SLC9A3: variants seen among roughly 807,000 people sequenced by gnomAD.
SLC9A3 encodes solute carrier family 9 member A3.
SLC9A3 carries 37 observed loss-of-function variants against 86.8 expected under a neutral mutation model. The ratio of observed to expected loss-of-function variants is 0.43; its 90% confidence interval spans 0.33 to 0.56. SLC9A3 has a LOEUF of 0.56. Among genes scored for constraint, SLC9A3 ranks in the 20% least tolerant of loss-of-function variants. The pLI is 0.06. For missense variants in SLC9A3, 1,011 were observed against 1,171.9 expected (o/e 0.86, Z 2.00); for synonymous variants, 581 against 528.3 (o/e 1.10, Z -1.37).
In SLC9A3 at chr5:521,864, G is replaced by A. The variant is rs927322493; in HGVS notation, c.211+2248C>T. ...AGAAGTCCAGAGTTCACAGGGAAGGGGTTGGGGGAGGAAGCACACAGGGAG... is the reference window on the plus strand; with the variant it reads ...AGAAGTCCAGAGTTCACAGGGAAGGAGTTGGGGGAGGAAGCACACAGGGAG... On this transcript the variant is annotated intron_variant, in intron 1 of 16. Transcript: ENST00000264938. Among the ~76,000 whole-genome samples the A allele has an allele frequency of 5.6e-4, 85 of 152,328 alleles. 1 individual carries two copies. The highest frequency in any genetic ancestry group is 2.0e-3 in the African/African-American group (82 of 41,570).
chr5:475,180 G>A (rs1417995497), intron 15 of SLC9A3, 48 bp from the exon 16 acceptor site: 8 of 1,523,032 alleles, frequency 5.3e-6, no homozygotes, highest in Non-Finnish European at 7.0e-6. Context: ...GCCCCACGGC[G>A]GCAGGGGAGA....
intron 1 of SLC9A3, among the ~76,000 whole-genome samples, chr5:493,069 G>A (rs1186424282): frequency 1.3e-5 from 2 of 152,138 alleles, no homozygotes; most frequent in Non-Finnish European, 2.9e-5. Context: ...TGGGGGTGCA[G>A]GCACCAACCT....
At position 496,536 on chromosome 5, in the gene SLC9A3, A is replaced by G. The variant is rs1224943842; in HGVS notation, c.212-4465T>C. Among the ~76,000 whole-genome samples, 1 of 152,244 alleles carries G rather than the reference A, an allele frequency of 6.6e-6. No homozygotes were observed. Among genetic ancestry groups the G allele is most frequent in the African/African-American group, 2.4e-5 (1 of 41,470 alleles). ...AAATCCAGCCTTTGCTTATGTCTTCAGCGGCAGGTAGATTTTCACTTTCAA... is the reference window on the plus strand; with the variant it reads ...AAATCCAGCCTTTGCTTATGTCTTCGGCGGCAGGTAGATTTTCACTTTCAA... On this transcript the variant is annotated intron_variant, in intron 1 of 16. Transcript: ENST00000264938. This position sits in a 1 kb window ranked among gnomAD's most constrained non-coding sequence, Gnocchi z 4.7.
chr5:504,216 T>C (rs1361443946), intron 1 of SLC9A3, among the ~76,000 whole-genome samples: 1 of 139,196 alleles, frequency 7.2e-6, no homozygotes, highest in East Asian at 2.1e-4. Context: ...AAGGCATCGC[T>C]GTGGGGCTGC....
In SLC9A3 at chr5:473,336, G is replaced by A; in HGVS notation, c.*43C>T. On this transcript the variant is annotated 3_prime_UTR_variant, in exon 17 of 17. Transcript: ENST00000264938. ...CGGCGGCGGCGGTGGGCGGACCGTG[G>A]CGCGGGGACGAGCGGCCGGTTAGCG... is the stretch of plus-strand genomic sequence containing the variant. 7.1e-7 allele frequency: 1 copy of A among 1,414,092 alleles called. No individual in the cohort carries two copies. Among genetic ancestry groups the A allele is most frequent in the Non-Finnish European group, 9.3e-7 (1 of 1,078,256 alleles). 87.6% of individuals were successfully genotyped at this position (1,414,092 alleles called of 1,614,324 possible).
At chr5:499,313 G>A (rs867720003) in intron 1 of SLC9A3, among the ~76,000 whole-genome samples, 1 of 152,388 alleles carries the variant, frequency 6.6e-6, no homozygotes, top group Middle Eastern at 3.4e-3. Context: ...GAGCCCTGCA[G>A]GGTCCAGTTC....
In SLC9A3 at chr5:482,813, C is replaced by T; in HGVS notation, c.1154-63G>A. On this transcript the variant is annotated intron_variant, in intron 6 of 16. Transcript: ENST00000264938. ...CCCTCCCAGCCGCGGGACCCCAGCC[C>T]CTCCGGGACAGCGTCTTGGCGGCCA... is the stretch of plus-strand genomic sequence containing the variant. The T allele has an allele frequency of 2.2e-6, 3 of 1,340,858 alleles. No homozygotes were observed. In the Admixed American group the frequency reaches 6.3e-5, roughly 28 times the overall value. 83.1% of individuals were successfully genotyped at this position (1,340,858 alleles called of 1,614,324 possible).
intron 9 of SLC9A3, among the ~76,000 whole-genome samples, 196 bp downstream of exon 9, chr5:481,369 C>T (rs1163349067): frequency 1.3e-5 from 2 of 152,226 alleles, no homozygotes; most frequent in Non-Finnish European, 2.9e-5. Flanking sequence ...GTGGCCCCAA[C>T]TGCTGCCGCC....
chr5:508,806 G>A (rs1255513492), intron 1 of SLC9A3, among the ~76,000 whole-genome samples: 1 of 152,220 alleles, frequency 6.6e-6, no homozygotes, highest in Non-Finnish European at 1.5e-5. Context: ...GATTGAAAGA[G>A]GAGGTTAAGA....
rs571522604 is a variant in SLC9A3, at chr5:475,765, G to A, written c.2141-94C>T. Reference sequence around the variant, plus strand: ...GTCCATCAGCTCTGTGCACAGAGGTGCAGGCAGTCGGGACCCACAGAGAGG... The same window carrying A: ...GTCCATCAGCTCTGTGCACAGAGGTACAGGCAGTCGGGACCCACAGAGAGG... On this transcript the variant is annotated intron_variant, in intron 14 of 16. Transcript: ENST00000264938. 3.4e-4 allele frequency: 266 copies of A among 778,418 alleles called. 1 individual carries two copies. In the African/African-American group the frequency reaches 3.9e-3, roughly 11 times the overall value. 48.2% of individuals were successfully genotyped at this position (778,418 alleles called of 1,614,324 possible).
rs117187794 is a variant in SLC9A3, at chr5:521,827, C to T, written c.211+2285G>A. On this transcript the variant is annotated intron_variant, in intron 1 of 16. Transcript: ENST00000264938. ...GCTGCACAAGGAGGACGGTCTGGGC[C>T]AGTGGAATCTGAGAAGTCCAGAGTT... 2.3e-3 allele frequency among the ~76,000 whole-genome samples: 352 copies of T among 152,200 alleles called. 3 individuals are homozygous for T. The highest frequency in any genetic ancestry group is 0.013 in the East Asian group (68 of 5,166).
Position 481,512 on chromosome 5 carries a change from T to C in SLC9A3, c.1517+53A>G, listed in dbSNP as rs966019252. On this transcript the variant is annotated intron_variant, in intron 9 of 16. Coordinates refer to ENST00000264938, the MANE Select transcript of SLC9A3 (RefSeq NM_004174.4). ...GCTTCTGGTTCTTCCGAGTGGAGGATGTTTCCAGAAGCCGGGCTGTGCGAC... is the reference window on the plus strand; with the variant it reads ...GCTTCTGGTTCTTCCGAGTGGAGGACGTTTCCAGAAGCCGGGCTGTGCGAC... 12 of 1,419,554 alleles carry C rather than the reference T, an allele frequency of 8.5e-6. No individual in the cohort carries two copies. The Admixed American group carries it at 1.8e-4, about 22-fold the overall frequency. 87.9% of individuals were successfully genotyped at this position (1,419,554 alleles called of 1,614,324 possible).
chr5:511,899 G>A (rs1474857910), intron 1 of SLC9A3, among the ~76,000 whole-genome samples: 1 of 152,246 alleles, frequency 6.6e-6, no homozygotes, highest in Non-Finnish European at 1.5e-5. Flanking sequence ...TAGATGGATA[G>A]ATCCAGACAG....
rs753206895 is a variant in SLC9A3 at position 482,715 on chromosome 5, G to A, written c.1189C>T (p.Arg397Cys). The A allele has an allele frequency of 5.0e-6, 8 of 1,610,782 alleles. No homozygotes were observed. The highest frequency in any genetic ancestry group is 5.9e-6 in the Non-Finnish European group (7 of 1,179,132). Residue 397 changes from arginine to cysteine, a missense_variant, in exon 7 of 17, where the codon CGC becomes TGC. Physicochemically the swap from Arg to Cys is radical, Grantham distance 180. Coordinates refer to ENST00000264938, the MANE Select transcript of SLC9A3 (RefSeq NM_004174.4). ...TCAATGGGCTCCAGCTGCACCATGC[G>A]GTAGCGGTTCAGAAGCCAGGTCTGC... ...VLQTWLLNRY[R>C]MVQLEPIDQV...
intron 1 of SLC9A3, among the ~76,000 whole-genome samples, chr5:510,497 C>T (rs1365971745): frequency 6.6e-6 from 1 of 152,176 alleles, no homozygotes; most frequent in East Asian, 1.9e-4. Context: ...TGGGCAGGGG[C>T]TGCTGTTTTC....
Position 479,633 on chromosome 5 carries a change from A to C in SLC9A3, c.1647+203T>G, listed in dbSNP as rs1739022644. 6 of 572,398 alleles carry C rather than the reference A, an allele frequency of 1.0e-5. No individual in the cohort carries two copies. In the South Asian group the frequency reaches 1.2e-4, roughly 11 times the overall value. 35.5% of individuals were successfully genotyped at this position (572,398 alleles called of 1,614,324 possible). On this transcript the variant is annotated intron_variant, in intron 10 of 16. Transcript: ENST00000264938. ...CACCCCCACCAGCACCACAGTCACC[A>C]GGACTCTGTGACTCAGTTTACCCCA...
chr5:481,749 C>G lies in SLC9A3; in HGVS notation c.1447-114G>C, dbSNP rs1249677427. On this transcript the variant is annotated intron_variant, in intron 8 of 16. Coordinates refer to ENST00000264938, the MANE Select transcript of SLC9A3 (RefSeq NM_004174.4). ...CCCACCAGCCCCCCTCACCACGCCC[C>G]TGGCCTGGACGCAGCCTCCTCTCCC... The G allele has an allele frequency of 3.2e-6, 3 of 927,228 alleles. No individual in the cohort carries two copies. In the African/African-American group the frequency reaches 4.9e-5, roughly 15 times the overall value. 57.4% of individuals were successfully genotyped at this position (927,228 alleles called of 1,614,324 possible).
chr5:514,791 C>T (rs1733674637), intron 1 of SLC9A3, among the ~76,000 whole-genome samples: 1 of 152,242 alleles, frequency 6.6e-6, no homozygotes, highest in Non-Finnish European at 1.5e-5. Context: ...GAACTCAAAC[C>T]CTTGGACTTT....
intron 1 of SLC9A3, among the ~76,000 whole-genome samples, chr5:510,273 G>A (rs776100331): frequency 1.3e-5 from 2 of 152,238 alleles, no homozygotes; most frequent in Non-Finnish European, 2.9e-5. Context: ...GTGGCCGTAC[G>A]CTGCCACGGA....
Sources: allele counts gnomAD v4.1 joint callset (sites outside exome capture counted in the v4.1 genomes callset), GRCh38; gene constraint gnomAD v4.1.1; non-coding constraint Gnocchi (gnomAD v3.1); transcripts MANE v1.5; gene names NCBI Gene and HGNC (gene_info 2026-07-23, HGNC 2026-07-21).